RORA: variants seen among roughly 807,000 people sequenced by gnomAD.
RORA encodes RAR related orphan receptor A.
A neutral mutation model predicts 69.5 loss-of-function variants in RORA; 7 were observed. The observed-to-expected ratio is 0.10, with a 90% confidence interval of 0.06 to 0.19. The LOEUF (loss-of-function observed/expected upper bound fraction) is 0.19. Among genes scored for constraint, RORA ranks in the 10% least tolerant of loss-of-function variants. The probability of loss-of-function intolerance (pLI) is 1.00; values close to 1 mark genes in which losing one functional copy is unlikely to be tolerated. For synonymous variants in RORA, 261 were observed against 240.8 expected (o/e 1.08, Z -0.78); for missense variants, 457 against 663.0 (o/e 0.69, Z 3.41).
chr15:60,979,603 T>C (rs1232227923), intron 1 of RORA, among the ~76,000 whole-genome samples: 1 of 152,188 alleles, frequency 6.6e-6, no homozygotes, highest in Non-Finnish European at 1.5e-5. Flanking sequence ...TCAAGTGGCA[T>C]CACTTTCTTA....
At chr15:60,888,285 CA>C (rs2140454754) in intron 1 of RORA, among the ~76,000 whole-genome samples, 1 of 152,346 alleles carries the variant, frequency 6.6e-6, no homozygotes, top group East Asian at 1.9e-4. Context: ...CTGACCACCC[CA>C]CCTCAGGGGA....
intron 2 of RORA, among the ~76,000 whole-genome samples, chr15:60,649,096 C>A (rs1485816247): frequency 6.6e-6 from 1 of 152,146 alleles, no homozygotes; most frequent in Non-Finnish European, 1.5e-5. Flanking sequence ...GTATAATATT[C>A]CCATTCCAAG....
chr15:60,860,083 C>T (rs1424301662), intron 1 of RORA, among the ~76,000 whole-genome samples: 3 of 152,278 alleles, frequency 2.0e-5, no homozygotes, highest in African/African-American at 7.2e-5. Context: ...GGGAAGCTGG[C>T]ATGACTAGAA....
At chr15:61,064,234 C>T (rs977195072) in intron 1 of RORA, among the ~76,000 whole-genome samples, 1 of 152,220 alleles carries the variant, frequency 6.6e-6, no homozygotes, top group Admixed American at 6.5e-5. Flanking sequence ...AAGACACCAA[C>T]TCACATCACA....
chr15:60,574,200 G>C lies in RORA; in HGVS notation c.197-42349C>G, dbSNP rs542907556. ...GCTATGTGCTAGCCCTGTGATCCTA[G>C]ACAGGTTGCTCTGCGTCTCTGAGTC... On this transcript the variant is annotated intron_variant, in intron 2 of 10. Transcript: ENST00000335670. Among the ~76,000 whole-genome samples, 5 of 152,300 alleles carry C rather than the reference G, an allele frequency of 3.3e-5. No individual in the cohort carries two copies. In the East Asian group the frequency reaches 9.6e-4, roughly 29 times the overall value.
At chr15:60,782,472 C>T (rs1022366168) in intron 1 of RORA, among the ~76,000 whole-genome samples, 2 of 152,156 alleles carry the variant, frequency 1.3e-5, no homozygotes, top group Non-Finnish European at 2.9e-5. Flanking sequence ...AATATGTTCT[C>T]CTTTCACGAT....
intron 2 of RORA, among the ~76,000 whole-genome samples, chr15:60,610,065 T>C (rs2140579046): frequency 6.6e-6 from 1 of 151,932 alleles, no homozygotes; most frequent in African/African-American, 2.4e-5. Context: ...TGAACAGAAA[T>C]TGCCATCAAA....
At chr15:61,119,313 T>A (rs1218273874) in intron 1 of RORA, among the ~76,000 whole-genome samples, 1 of 151,810 alleles carries the variant, frequency 6.6e-6, no homozygotes, top group Non-Finnish European at 1.5e-5. Flanking sequence ...TTCTCCCACA[T>A]CAGCCTCCTG....
chr15:60,850,621 G>A (rs1257581576), intron 1 of RORA, among the ~76,000 whole-genome samples: 1 of 152,182 alleles, frequency 6.6e-6, no homozygotes, highest in Non-Finnish European at 1.5e-5. Context: ...CATTGATGGT[G>A]ATGATCATGT....
intron 1 of RORA, among the ~76,000 whole-genome samples, chr15:60,877,919 T>G (rs1490051230): frequency 6.6e-6 from 1 of 152,180 alleles, no homozygotes; most frequent in Non-Finnish European, 1.5e-5. Flanking sequence ...TTCACTTCTA[T>G]TCAAGGCAAA....
chr15:60,832,191 TG>T (rs539403955), intron 1 of RORA, among the ~76,000 whole-genome samples: 26 of 152,268 alleles, frequency 1.7e-4, no homozygotes, highest in African/African-American at 5.8e-4. Flanking sequence ...TTCTAGAAAA[TG>T]AGATGTAACT....
intron 1 of RORA, among the ~76,000 whole-genome samples, chr15:61,111,032 T>C (rs2079002152): frequency 6.6e-6 from 1 of 152,154 alleles, no homozygotes; most frequent in African/African-American, 2.4e-5. Context: ...GACTGTGCAG[T>C]GTAGACCTCC....
At chr15:60,724,133 T>A (rs1345588428) in intron 1 of RORA, among the ~76,000 whole-genome samples, 2 of 151,758 alleles carry the variant, frequency 1.3e-5, no homozygotes, top group Non-Finnish European at 2.9e-5. Flanking sequence ...GGATACTCTA[T>A]GTGGTATTAT....
chr15:61,179,688 C>T (rs965675724), intron 1 of RORA, among the ~76,000 whole-genome samples: 3 of 152,044 alleles, frequency 2.0e-5, no homozygotes, highest in African/African-American at 7.2e-5. Context: ...AAATGTGTGG[C>T]AAATGGACAA....
At chr15:60,888,207 C>T (rs1179491710) in intron 1 of RORA, among the ~76,000 whole-genome samples, 1 of 152,206 alleles carries the variant, frequency 6.6e-6, no homozygotes, top group African/African-American at 2.4e-5. Context: ...TTGTACCTGC[C>T]CTCTTGCTCC....
In RORA at chr15:60,786,152, C is replaced by T. The variant is rs117979186; in HGVS notation, c.167-107466G>A. On this transcript the variant is annotated intron_variant, in intron 1 of 10. Transcript: ENST00000335670. Reference sequence around the variant, plus strand: ...TGTAGATGTCATGTTTATACATACACGACATCACTACGGTTGAGAGTTGGG... The same window carrying T: ...TGTAGATGTCATGTTTATACATACATGACATCACTACGGTTGAGAGTTGGG... Among the ~76,000 whole-genome samples, 1,359 of 152,288 alleles carry T rather than the reference C, an allele frequency of 8.9e-3. 6 individuals carry two copies. The highest frequency in any genetic ancestry group is 0.012 in the Non-Finnish European group (803 of 68,024).
At chr15:60,991,935 G>C (rs200798939) in intron 1 of RORA, among the ~76,000 whole-genome samples, 3 of 95,200 alleles carry the variant, frequency 3.2e-5, no homozygotes, top group African/African-American at 1.4e-4. Flanking sequence ...ATAAAATAAA[G>C]TAAAATAAAA....
At chr15:61,064,261 T>C (rs2078226424) in intron 1 of RORA, among the ~76,000 whole-genome samples, 1 of 152,242 alleles carries the variant, frequency 6.6e-6, no homozygotes, top group Non-Finnish European at 1.5e-5. Flanking sequence ...AGAACAATTA[T>C]GATTCACTTG....
chr15:61,076,406 A>AG (rs1491377321), intron 1 of RORA, among the ~76,000 whole-genome samples: 3 of 50,278 alleles, frequency 6.0e-5, no homozygotes, highest in South Asian at 4.6e-4. Context: ...TGATCATCTC[A>AG]AAAAAAAAAA....
Sources: gnomAD v4.1 joint callset for allele counts (sites outside exome capture counted in the v4.1 genomes callset) on GRCh38, gnomAD v4.1.1 for gene constraint, MANE v1.5 for transcripts, NCBI Gene and HGNC (gene_info 2026-07-23, HGNC 2026-07-21) for gene names.